CGNL1: variants seen among roughly 807,000 people sequenced by gnomAD.
CGNL1 encodes the protein cingulin like 1, also known as cingulin-like protein 1.
In CGNL1, 132 loss-of-function variants were observed where a neutral mutation model predicts 141.2. That is an observed-to-expected ratio of 0.93 (90% CI 0.81 to 1.08). The LOEUF (loss-of-function observed/expected upper bound fraction) is 1.08. Among genes scored for constraint, CGNL1 ranks in the 50% least tolerant of loss-of-function variants. CGNL1 has a pLI of 0.00. For missense variants in CGNL1, 1,870 were observed against 1,588.6 expected (o/e 1.18, Z -3.01); for synonymous variants, 690 against 622.1 (o/e 1.11, Z -1.63).
chr15:57,402,364 G>C (rs1190206913), intron 1 of CGNL1, among the ~76,000 whole-genome samples: 1 of 152,184 alleles, frequency 6.6e-6, no homozygotes, highest in East Asian at 1.9e-4. Flanking sequence ...GCAGATGCTG[G>C]TGCCATGCTT....
At chr15:57,525,341 G>A (rs1249907307) in intron 12 of CGNL1, among the ~76,000 whole-genome samples, 1 of 152,214 alleles carries the variant, frequency 6.6e-6, no homozygotes, top group Non-Finnish European at 1.5e-5. Flanking sequence ...CTGAGAAAAA[G>A]AAAGGGGATG....
At chr15:57,442,201 A>AAAAAAAAAAAAAAAAAACAC (rs2063197881) in intron 3 of CGNL1, among the ~76,000 whole-genome samples, 172 bp from the exon 4 acceptor site, 1 of 138,566 alleles carries the variant, frequency 7.2e-6, no homozygotes, top group South Asian at 2.3e-4. Context: ...AAAAAAAAAA[A>AAAAAAAAAAAAAAAAAACAC]AAGACACCAT....
chr15:57,546,742 T>A (rs1355516836), intron 18 of CGNL1, among the ~76,000 whole-genome samples: 2 of 152,180 alleles, frequency 1.3e-5, no homozygotes, highest in Non-Finnish European at 2.9e-5. Flanking sequence ...GGTTGCTTTT[T>A]CTGCTCTAGG....
intron 12 of CGNL1, among the ~76,000 whole-genome samples, chr15:57,526,522 G>C (rs1264913005): frequency 6.6e-6 from 1 of 152,068 alleles, no homozygotes; most frequent in Non-Finnish European, 1.5e-5. Context: ...TCTAAGTGCT[G>C]TAATAGTGGC....
At chr15:57,526,182 A>AC (rs1278693262) in intron 12 of CGNL1, among the ~76,000 whole-genome samples, 3 of 148,562 alleles carry the variant, frequency 2.0e-5, no homozygotes, top group East Asian at 2.0e-4. Context: ...TTCCAAAACA[A>AC]AAAAAAAAAA....
intron 1 of CGNL1, among the ~76,000 whole-genome samples, chr15:57,390,872 G>A (rs2062535494): frequency 6.6e-6 from 1 of 151,970 alleles, no homozygotes; most frequent in African/African-American, 2.4e-5. Context: ...CAGCTGTGGT[G>A]GCAGGAGTGT....
At chr15:57,527,186 A>G (rs1177645464) in intron 12 of CGNL1, 1 of 152,078 alleles carries the variant, frequency 6.6e-6, no homozygotes, top group Non-Finnish European at 1.5e-5. Flanking sequence ...AACCACTAAA[A>G]CCAGATGTGG....
intron 8 of CGNL1, among the ~76,000 whole-genome samples, chr15:57,512,096 G>A (rs1595781886): frequency 1.3e-5 from 2 of 152,068 alleles, no homozygotes; most frequent in African/African-American, 2.4e-5. Flanking sequence ...CAGTTCTGCT[G>A]CCTTTGCCAC....
At chr15:57,520,239 G>C (rs1438604847) in intron 10 of CGNL1, among the ~76,000 whole-genome samples, 1 of 152,186 alleles carries the variant, frequency 6.6e-6, no homozygotes, top group Non-Finnish European at 1.5e-5. Context: ...CCATCGCTCT[G>C]AAATACTTTG....
chr15:57,415,738 TA>T (rs1227150823), intron 1 of CGNL1, among the ~76,000 whole-genome samples: 2 of 152,234 alleles, frequency 1.3e-5, no homozygotes, highest in Admixed American at 6.5e-5. Context: ...GGGCCCAACG[TA>T]GAGCATGTTC....
At chr15:57,517,099 C>G (rs2140100368) in intron 9 of CGNL1, 113 bp downstream of exon 9, 1 of 1,036,198 alleles carries the variant, frequency 9.7e-7, no homozygotes, top group Admixed American at 2.3e-5. Flanking sequence ...TAGGAAAGGT[C>G]AAGGCAATAG....
chr15:57,473,027 A>T (rs1244704791), intron 8 of CGNL1, among the ~76,000 whole-genome samples: 1 of 152,090 alleles, frequency 6.6e-6, no homozygotes, highest in African/African-American at 2.4e-5. Flanking sequence ...TGGAAGTGTG[A>T]GTAACAAAGG....
chr15:57,493,815 T>C (rs1271420537), intron 8 of CGNL1, among the ~76,000 whole-genome samples: 5 of 152,214 alleles, frequency 3.3e-5, no homozygotes, highest in African/African-American at 1.2e-4. Context: ...TTATAATAGG[T>C]GCATAGTTAC....
intron 8 of CGNL1, among the ~76,000 whole-genome samples, chr15:57,491,735 A>G (rs1323458912): frequency 6.6e-6 from 1 of 152,254 alleles, no homozygotes; most frequent in Non-Finnish European, 1.5e-5. Flanking sequence ...AGGAAGAGAA[A>G]GAAATGCCTA....
Position 57,547,599 on chromosome 15 carries a change from C to CAA in CGNL1, c.*109_*110insAA. 8.0e-7 allele frequency: 1 copy of CAA among 1,254,842 alleles called. No homozygotes were observed. The allele number at this position is 1,254,842 out of a possible 1,614,324, so 77.7% of individuals were successfully genotyped here. Reference sequence around the variant, plus strand: ...GTCTGCCACTGAGACCAATCACAGCCTCTTTGCACAGCATGCCAGCTCCTC... The same window carrying CAA: ...GTCTGCCACTGAGACCAATCACAGCCAATCTTTGCACAGCATGCCAGCTCCTC... On this transcript the variant is annotated 3_prime_UTR_variant, in exon 19 of 19. Transcript: ENST00000281282.
intron 1 of CGNL1, among the ~76,000 whole-genome samples, chr15:57,428,619 G>T (rs1365899747): frequency 6.6e-6 from 1 of 152,172 alleles, no homozygotes; most frequent in Non-Finnish European, 1.5e-5. Flanking sequence ...CCAAGGAAGA[G>T]GCAGGAGCTG....
chr15:57,532,802 G>C (rs1012902966), intron 14 of CGNL1, among the ~76,000 whole-genome samples: 3 of 152,208 alleles, frequency 2.0e-5, no homozygotes, highest in Non-Finnish European at 4.4e-5. Flanking sequence ...ATGACCCTTA[G>C]AGCCTCAGCC....
chr15:57,547,263 A>G (rs2140264095), intron 18 of CGNL1, 92 bp from the exon 19 acceptor site: 3 of 1,417,604 alleles, frequency 2.1e-6, no homozygotes, highest in Non-Finnish European at 2.9e-6. Flanking sequence ...AGTGGGGTGC[A>G]GGGACAGCAA....
chr15:57,544,801 T>C (rs1369379839), intron 16 of CGNL1, among the ~76,000 whole-genome samples: 3 of 152,228 alleles, frequency 2.0e-5, no homozygotes, highest in African/African-American at 7.2e-5. Context: ...TAAGGTAGCC[T>C]GGCTGGATAC....
Sources: allele counts gnomAD v4.1 joint callset (sites outside exome capture counted in the v4.1 genomes callset), GRCh38; gene constraint gnomAD v4.1.1; transcripts MANE v1.5; gene names NCBI Gene and HGNC (gene_info 2026-07-23, HGNC 2026-07-21).